Variants in CLSTN2 observed in about 807,000 individuals in gnomAD.
CLSTN2 encodes calsyntenin 2, also known as calsyntenin-2.
Under a neutral mutation model 101.2 loss-of-function variants are expected in CLSTN2, and 48 were observed. The ratio of observed to expected loss-of-function variants is 0.47; its 90% CI spans 0.38 to 0.60. CLSTN2 has a LOEUF of 0.60. Among genes scored for constraint, CLSTN2 ranks in the 20% least tolerant of loss-of-function variants. The probability of loss-of-function intolerance (pLI) is 0.00; values close to 1 mark genes in which losing one functional copy is unlikely to be tolerated. For missense variants in CLSTN2, 1,160 were observed against 1,238.2 expected, an observed-to-expected ratio of 0.94 and a Z score of 0.95; for synonymous variants, 481 against 463.6, an observed-to-expected ratio of 1.04 and a Z score of -0.48.
At chr3:139,993,116 T>A (rs1051734335) in intron 1 of CLSTN2, among the ~76,000 whole-genome samples, 20 of 152,124 alleles carry the variant, frequency 1.3e-4, no homozygotes, top group Admixed American at 1.2e-3. Flanking sequence ...GAGGGGGCGG[T>A]CAGTCACTCT....
At chr3:140,460,796 C>T (rs1933545052) in intron 7 of CLSTN2, among the ~76,000 whole-genome samples, 1 of 152,192 alleles carries the variant, frequency 6.6e-6, no homozygotes, top group African/African-American at 2.4e-5. Flanking sequence ...TCAAATACAA[C>T]TTTTGCTAAA....
chr3:140,151,128 G>T (rs965628038), intron 1 of CLSTN2, among the ~76,000 whole-genome samples: 2 of 151,920 alleles, frequency 1.3e-5, no homozygotes, highest in Admixed American at 1.3e-4. Context: ...TTAGCTACTT[G>T]GCCTCAGAAG....
intron 2 of CLSTN2, among the ~76,000 whole-genome samples, chr3:140,192,225 A>T (rs1406656317): frequency 6.6e-6 from 1 of 151,900 alleles, no homozygotes; most frequent in Non-Finnish European, 1.5e-5. Flanking sequence ...GGTTTACTTT[A>T]TATTCCAGTA....
chr3:140,495,091 G>A (rs1028209955), intron 8 of CLSTN2, among the ~76,000 whole-genome samples: 1 of 152,138 alleles, frequency 6.6e-6, no homozygotes, highest in Non-Finnish European at 1.5e-5. Flanking sequence ...CTGTATAAAA[G>A]TGCTTCGTTT....
chr3:140,063,992 G>A (rs1402945063), intron 1 of CLSTN2, among the ~76,000 whole-genome samples: 2 of 152,128 alleles, frequency 1.3e-5, no homozygotes, highest in Non-Finnish European at 2.9e-5. Context: ...CCCTGCCAGG[G>A]CCTTTGCTTC....
At chr3:140,118,944 G>A (rs376171735) in intron 1 of CLSTN2, among the ~76,000 whole-genome samples, 255 of 152,238 alleles carry the variant, frequency 1.7e-3, no homozygotes, top group Non-Finnish European at 2.6e-3. Context: ...CTGAAGGTGG[G>A]TAAGAAGCCC....
At chr3:140,491,799 G>T (rs1477252030) in intron 8 of CLSTN2, among the ~76,000 whole-genome samples, 1 of 152,230 alleles carries the variant, frequency 6.6e-6, no homozygotes, top group Non-Finnish European at 1.5e-5. Context: ...TCCAGCCTGG[G>T]CAACTGGAGT....
At chr3:140,174,565 A>G (rs369526776) in intron 1 of CLSTN2, among the ~76,000 whole-genome samples, 1 of 152,186 alleles carries the variant, frequency 6.6e-6, no homozygotes, top group East Asian at 1.9e-4. Flanking sequence ...TGATAAAGAC[A>G]TACCCCAGAC....
intron 4 of CLSTN2, among the ~76,000 whole-genome samples, chr3:140,419,036 A>T (rs1033011744): frequency 2.0e-5 from 3 of 149,976 alleles, no homozygotes; most frequent in East Asian, 1.9e-4. Flanking sequence ...CCTTTTTTTA[A>T]AAAAAAAATC....
intron 2 of CLSTN2, among the ~76,000 whole-genome samples, chr3:140,255,022 T>C (rs1455338165): frequency 6.6e-6 from 1 of 152,102 alleles, no homozygotes; most frequent in East Asian, 1.9e-4. Flanking sequence ...AAAGAAGACA[T>C]ACATGTGGCT....
chr3:140,081,088 A>G (rs2008590308), intron 1 of CLSTN2, among the ~76,000 whole-genome samples: 1 of 152,208 alleles, frequency 6.6e-6, no homozygotes, highest in African/African-American at 2.4e-5. Flanking sequence ...AGAAAGAAAG[A>G]TGCTTATGTT....
intron 8 of CLSTN2, among the ~76,000 whole-genome samples, chr3:140,488,105 G>C (rs1267988691): frequency 6.6e-6 from 1 of 152,038 alleles, no homozygotes; most frequent in African/African-American, 2.4e-5. Context: ...GTCACATTAG[G>C]AACCCAGAGA....
chr3:140,413,979 T>G lies in CLSTN2; in HGVS notation c.638-7146T>G, dbSNP rs566323414. ...AAAAGTTTAAAGCTTTTTTCTCTAATGTAAGGAATTAGACAAAGATGCTCA... is the reference window on the plus strand; with the variant it reads ...AAAAGTTTAAAGCTTTTTTCTCTAAGGTAAGGAATTAGACAAAGATGCTCA... On this transcript the variant is annotated intron_variant, in intron 4 of 16. Coordinates refer to ENST00000458420, the MANE Select transcript of CLSTN2 (RefSeq NM_022131.3). Among the ~76,000 whole-genome samples the G allele has an allele frequency of 4.6e-5, 7 of 152,208 alleles. No individual in the cohort carries two copies. The South Asian group carries it at 1.5e-3, about 32-fold the overall frequency.
chr3:139,965,635 A>G (rs753935210), intron 1 of CLSTN2, among the ~76,000 whole-genome samples: 2 of 152,164 alleles, frequency 1.3e-5, no homozygotes, highest in Non-Finnish European at 2.9e-5. Context: ...GGCAAACACA[A>G]TCCTTTCTCA....
At chr3:140,044,533 C>T (rs1485938891) in intron 1 of CLSTN2, among the ~76,000 whole-genome samples, 6 of 152,128 alleles carry the variant, frequency 3.9e-5, no homozygotes, top group Admixed American at 3.3e-4. Context: ...CTTTCTCCTG[C>T]CTGATTGCCC....
intron 2 of CLSTN2, among the ~76,000 whole-genome samples, chr3:140,176,385 GA>G (rs2010325617): frequency 6.6e-6 from 1 of 152,166 alleles, no homozygotes; most frequent in Non-Finnish European, 1.5e-5. Flanking sequence ...GTTCTTAGGG[GA>G]ATTTTACCCA....
chr3:140,113,246 T>G (rs771826306), intron 1 of CLSTN2, among the ~76,000 whole-genome samples: 1 of 152,178 alleles, frequency 6.6e-6, no homozygotes, highest in Non-Finnish European at 1.5e-5. Context: ...TGTGCCTAAT[T>G]GATATCAAAT....
intron 1 of CLSTN2, among the ~76,000 whole-genome samples, chr3:139,982,469 A>G (rs890489708): frequency 1.3e-5 from 2 of 152,130 alleles, no homozygotes; most frequent in Non-Finnish European, 2.9e-5. Context: ...GTATGAGAAT[A>G]TTTAATAGCT....
At chr3:140,281,139 G>A (rs1042698470) in intron 2 of CLSTN2, among the ~76,000 whole-genome samples, 2 of 152,222 alleles carry the variant, frequency 1.3e-5, no homozygotes, top group Non-Finnish European at 2.9e-5. Context: ...CAGCAGGGGA[G>A]ATGGCACATC....
Sources: allele counts gnomAD v4.1 joint callset (sites outside exome capture counted in the v4.1 genomes callset), GRCh38; gene constraint gnomAD v4.1.1; transcripts MANE v1.5; gene names NCBI Gene and HGNC (gene_info 2026-07-23, HGNC 2026-07-21).